The following GRIK2 variants were observed in gnomAD, a reference collection of about 807,000 sequenced individuals.
GRIK2 encodes the protein glutamate ionotropic receptor kainate type subunit 2, also known as glutamate receptor ionotropic, kainate 2.
A neutral mutation model predicts 100.3 loss-of-function variants in GRIK2; 32 were observed. That is an observed-to-expected ratio of 0.32 (90% CI 0.24 to 0.43). GRIK2 has a LOEUF of 0.43. Among genes scored for constraint, GRIK2 ranks in the 20% least tolerant of loss-of-function variants. GRIK2 has a pLI of 1.00. For missense variants in GRIK2, 843 were observed against 1,114.9 expected, an observed-to-expected ratio of 0.76 and a Z score of 3.47; for synonymous variants, 417 against 389.4, an observed-to-expected ratio of 1.07 and a Z score of -0.83.
intron 2 of GRIK2, among the ~76,000 whole-genome samples, chr6:101,437,489 TA>T (rs1452961032): frequency 6.6e-6 from 1 of 152,164 alleles, no homozygotes; most frequent in Non-Finnish European, 1.5e-5. Context: ...TGCTGTAGAC[TA>T]AATATTGTGA....
At chr6:102,022,960 A>T (rs1582740567) in intron 14 of GRIK2, among the ~76,000 whole-genome samples, 1 of 151,662 alleles carries the variant, frequency 6.6e-6, no homozygotes, top group African/African-American at 2.4e-5. Context: ...TAGGAAAATC[A>T]TCCTGTCTCA....
chr6:101,907,391 G>GA (rs10709450), intron 12 of GRIK2, among the ~76,000 whole-genome samples: 1 of 150,612 alleles, frequency 6.6e-6, no homozygotes, highest in Admixed American at 6.7e-5. Context: ...TGATTTAAAA[G>GA]AAAAAAAAAA....
intron 14 of GRIK2, among the ~76,000 whole-genome samples, chr6:101,985,753 T>C (rs538319452): frequency 2.6e-5 from 4 of 151,750 alleles, no homozygotes; most frequent in Non-Finnish European, 5.9e-5. Flanking sequence ...ATATACATTG[T>C]AGTAGAAGGG....
intron 15 of GRIK2, among the ~76,000 whole-genome samples, chr6:102,044,466 C>G (rs1204322241): frequency 6.6e-6 from 1 of 151,992 alleles, no homozygotes; most frequent in Non-Finnish European, 1.5e-5. Context: ...GGGGAGGCCT[C>G]TGATTTATGG....
intron 2 of GRIK2, among the ~76,000 whole-genome samples, chr6:101,599,173 G>T (rs1779072471): frequency 2.0e-5 from 3 of 151,564 alleles, no homozygotes; most frequent in Admixed American, 1.3e-4. Context: ...ATGTGGTATT[G>T]GGTTTTCAGT....
At chr6:101,629,461 C>T (rs1350528249) in intron 4 of GRIK2, among the ~76,000 whole-genome samples, 3 of 152,042 alleles carry the variant, frequency 2.0e-5, no homozygotes, top group Non-Finnish European at 2.9e-5. Context: ...GAAACAAAGG[C>T]CCAGCCCTTG....
chr6:101,504,574 T>G (rs1773925632), intron 2 of GRIK2, among the ~76,000 whole-genome samples: 1 of 151,616 alleles, frequency 6.6e-6, no homozygotes, highest in Admixed American at 6.6e-5. Context: ...ATATATAAAA[T>G]ATGTAATACA....
chr6:101,927,303 T>C (rs533999767), intron 13 of GRIK2: 2 of 726,428 alleles, frequency 2.8e-6, no homozygotes, highest in Non-Finnish European at 3.4e-6. Flanking sequence ...ATGTGTTACC[T>C]TACTGCATCA....
chr6:101,998,812 C>CTTTTTTTTTTTTT lies in GRIK2; in HGVS notation c.2086-36522_2086-36510dup, dbSNP rs755522043. ...TGTGTGAGTTTTTCTTTTTTCTTTTCTTTTTTTTTTTTTTTTTTTGAGTTG... is the reference window on the plus strand; with the variant it reads ...TGTGTGAGTTTTTCTTTTTTCTTTTCTTTTTTTTTTTTTTTTTTTTTTTTTTTTTTTTGAGTTG... On this transcript the variant is annotated intron_variant, in intron 14 of 16. Coordinates refer to ENST00000369134, the MANE Select transcript of GRIK2 (RefSeq NM_021956.5). Among the ~76,000 whole-genome samples the CTTTTTTTTTTTTT allele has an allele frequency of 6.1e-3, 672 of 109,972 alleles. 1 individual carries two copies. The highest frequency in any genetic ancestry group is 8.1e-3 in the South Asian group (25 of 3,080). 72.1% of individuals were successfully genotyped at this position (109,972 alleles called of 152,430 possible).
intron 4 of GRIK2, among the ~76,000 whole-genome samples, chr6:101,651,116 T>C (rs1329591732): frequency 6.6e-6 from 1 of 151,866 alleles, no homozygotes; most frequent in Non-Finnish European, 1.5e-5. Flanking sequence ...CATCTTCACT[T>C]TCCTAGATTA....
intron 4 of GRIK2, among the ~76,000 whole-genome samples, chr6:101,658,294 A>C (rs182785522): frequency 2.0e-5 from 3 of 152,302 alleles, no homozygotes; most frequent in East Asian, 3.9e-4. Flanking sequence ...ATGACTAAGA[A>C]CATGCAGTGT....
intron 14 of GRIK2, among the ~76,000 whole-genome samples, chr6:101,976,700 A>G (rs2128487819): frequency 6.6e-6 from 1 of 152,104 alleles, no homozygotes; most frequent in African/African-American, 2.4e-5. Context: ...TTAAAAGAAA[A>G]AAAATGGTCT....
chr6:101,421,756 GT>G (rs1776424751), intron 2 of GRIK2, among the ~76,000 whole-genome samples: 1 of 152,076 alleles, frequency 6.6e-6, no homozygotes, highest in Non-Finnish European at 1.5e-5. Flanking sequence ...GTTCCACCAA[GT>G]TTCCAAAGAA....
chr6:101,967,253 C>T (rs1352416267), intron 14 of GRIK2, among the ~76,000 whole-genome samples: 1 of 151,898 alleles, frequency 6.6e-6, no homozygotes, highest in Non-Finnish European at 1.5e-5. Flanking sequence ...TTGTATATTA[C>T]TTAACATTGA....
chr6:101,492,935 A>G (rs754771810), intron 2 of GRIK2, among the ~76,000 whole-genome samples: 20 of 151,984 alleles, frequency 1.3e-4, no homozygotes, highest in Non-Finnish European at 2.5e-4. Flanking sequence ...AGAAAAAAAG[A>G]CTATCAGAAA....
At chr6:101,422,751 T>C (rs1176437931) in intron 2 of GRIK2, among the ~76,000 whole-genome samples, 2 of 152,112 alleles carry the variant, frequency 1.3e-5, no homozygotes, top group Non-Finnish European at 2.9e-5. Context: ...TTTCTTAACA[T>C]TGAAAAATCA....
chr6:102,013,866 C>T (rs1795684747), intron 14 of GRIK2, among the ~76,000 whole-genome samples: 1 of 138,500 alleles, frequency 7.2e-6, no homozygotes, highest in South Asian at 2.2e-4. Flanking sequence ...CAGTGTTCAT[C>T]AAGGATATTG....
intron 2 of GRIK2, among the ~76,000 whole-genome samples, chr6:101,529,424 ATTCT>A (rs1215975449): frequency 6.6e-6 from 1 of 152,022 alleles, no homozygotes; most frequent in Non-Finnish European, 1.5e-5. Flanking sequence ...TTTTCTCCTT[ATTCT>A]TTCTAATGTC....
At chr6:101,696,762 A>G (rs1408479288) in intron 7 of GRIK2, among the ~76,000 whole-genome samples, 1 of 152,014 alleles carries the variant, frequency 6.6e-6, no homozygotes, top group African/African-American at 2.4e-5. Flanking sequence ...ATATATAGAA[A>G]GAAAGATCCC....
Sources: allele counts gnomAD v4.1 joint callset (sites outside exome capture counted in the v4.1 genomes callset), GRCh38; gene constraint gnomAD v4.1.1; transcripts MANE v1.5; gene names NCBI Gene and HGNC (gene_info 2026-07-23, HGNC 2026-07-21).